ALMS1: variants seen among roughly 807,000 people sequenced by gnomAD.
ALMS1 encodes ALMS1 centrosome and basal body associated protein, also known as centrosome-associated protein ALMS1.
Under a neutral mutation model 352.2 loss-of-function variants are expected in ALMS1, and 271 were observed. The ratio of observed to expected loss-of-function variants is 0.77; its 90% CI spans 0.70 to 0.85. The LOEUF (loss-of-function observed/expected upper bound fraction) is 0.85, where lower values mean the gene tolerates loss of function less well. Among genes scored for constraint, ALMS1 ranks in the 40% least tolerant of loss-of-function variants. The pLI, the probability that ALMS1 is intolerant of heterozygous loss-of-function variation, is 0.00. For missense variants in ALMS1, 5,445 were observed against 4,870.7 expected (o/e 1.12, Z -3.51); for synonymous variants, 1,865 against 1,761.2 (o/e 1.06, Z -1.48).
At chr2:73,489,296 G>GT (rs1164288637) in intron 9 of ALMS1, among the ~76,000 whole-genome samples, 4 of 152,172 alleles carry the variant, frequency 2.6e-5, no homozygotes, top group Non-Finnish European at 4.4e-5. Flanking sequence ...CTCCCACTTG[G>GT]TGGCTATGTG....
intron 6 of ALMS1, among the ~76,000 whole-genome samples, chr2:73,429,278 C>CTTTTTTTTT (rs5832107): frequency 1.2e-4 from 12 of 102,690 alleles, no homozygotes; most frequent in Non-Finnish European, 1.3e-4. Context: ...AATTAATATG[C>CTTTTTTTTT]TTTTTTTTTT....
intron 7 of ALMS1, among the ~76,000 whole-genome samples, chr2:73,447,318 G>A (rs1671827613): frequency 6.6e-6 from 1 of 152,050 alleles, no homozygotes; most frequent in Admixed American, 6.6e-5. Flanking sequence ...CTTTAAAACT[G>A]TAAACAACTT....
chr2:73,533,258 G>A (rs777106452), intron 11 of ALMS1, among the ~76,000 whole-genome samples: 2 of 152,218 alleles, frequency 1.3e-5, no homozygotes, highest in Non-Finnish European at 2.9e-5. Flanking sequence ...GCCCAAGTCA[G>A]CTGGCTCTGA....
intron 9 of ALMS1, among the ~76,000 whole-genome samples, chr2:73,465,257 C>T (rs1265381815): frequency 6.6e-6 from 1 of 151,998 alleles, no homozygotes; most frequent in African/African-American, 2.4e-5. Flanking sequence ...GCTACAGTAA[C>T]CAAAACAGCA....
chr2:73,475,082 T>G (rs1672556449), intron 9 of ALMS1, among the ~76,000 whole-genome samples: 1 of 152,186 alleles, frequency 6.6e-6, no homozygotes, highest in African/African-American at 2.4e-5. Flanking sequence ...AATCAGTACT[T>G]CATCCCTTTT....
intron 7 of ALMS1, among the ~76,000 whole-genome samples, chr2:73,444,477 G>A (rs1248487642): frequency 2.0e-5 from 3 of 152,120 alleles, no homozygotes; most frequent in African/African-American, 2.4e-5. Flanking sequence ...AGTCTATAAC[G>A]CACTTTACCT....
intron 16 of ALMS1, among the ~76,000 whole-genome samples, chr2:73,585,822 G>C (rs955893815): frequency 6.9e-6 from 1 of 145,052 alleles, no homozygotes; most frequent in African/African-American, 2.6e-5. Flanking sequence ...ACTGCATCCC[G>C]GGTTCAAGCA....
At chr2:73,500,328 G>A (rs550699565) in intron 10 of ALMS1, among the ~76,000 whole-genome samples, 1 of 152,284 alleles carries the variant, frequency 6.6e-6, no homozygotes, top group South Asian at 2.1e-4. Flanking sequence ...TCTGTTGTCT[G>A]TGTGTGTGCC....
At chr2:73,518,913 A>G (rs918011754) in intron 10 of ALMS1, among the ~76,000 whole-genome samples, 7 of 152,070 alleles carry the variant, frequency 4.6e-5, no homozygotes. Context: ...GCTGTGCAGA[A>G]GCTCTTATGT....
intron 2 of ALMS1, among the ~76,000 whole-genome samples, chr2:73,410,797 A>G (rs1020141990): frequency 6.6e-6 from 1 of 151,154 alleles, no homozygotes; most frequent in African/African-American, 2.5e-5. Context: ...TTATTGGAGG[A>G]AAAATGTTAT....
rs748468149 is a variant in ALMS1, at chr2:73,452,531, C to CATAT, written c.6006_6009dup (p.Pro2004TyrfsTer4). 9 of 1,613,856 alleles carry CATAT rather than the reference C, an allele frequency of 5.6e-6. No individual in the cohort carries two copies. The highest frequency in any genetic ancestry group is 7.6e-6 in the Non-Finnish European group (9 of 1,179,934). On this transcript the variant is annotated frameshift_variant, in exon 8 of 23. Coordinates refer to ENST00000613296, the MANE Select transcript of ALMS1 (RefSeq NM_001378454.1). LOFTEE classifies it high-confidence loss of function. ...AGAGAAACTCAAGATTTCAACTGTGCATATACCAGATGACCAGAAAACTGA... is the reference window on the plus strand; with the variant it reads ...AGAGAAACTCAAGATTTCAACTGTGCATATATATACCAGATGACCAGAAAACTGA...
At chr2:73,519,092 C>G (rs1006478819) in intron 10 of ALMS1, among the ~76,000 whole-genome samples, 1 of 152,156 alleles carries the variant, frequency 6.6e-6, no homozygotes, top group Non-Finnish European at 1.5e-5. Context: ...GCAGTGCTTG[C>G]TAGGTGTCTC....
intron 12 of ALMS1, among the ~76,000 whole-genome samples, chr2:73,541,949 G>A (rs549927141): frequency 8.4e-4 from 128 of 152,272 alleles, no homozygotes; most frequent in African/African-American, 2.7e-3. Flanking sequence ...ACAAGGAGGA[G>A]CTGGTACCAT....
chr2:73,531,289 T>C (rs1673904905), intron 11 of ALMS1, among the ~76,000 whole-genome samples: 1 of 152,204 alleles, frequency 6.6e-6, no homozygotes, highest in Non-Finnish European at 1.5e-5. Context: ...TTGAATGCTT[T>C]GCTGTTTAGA....
rs1057295327 is a variant in ALMS1 at position 73,432,769 on chromosome 2, G to T, written c.1432+478G>T. Among the ~76,000 whole-genome samples, 18 of 152,212 alleles carry T rather than the reference G, an allele frequency of 1.2e-4. No homozygotes were observed. In the East Asian group the frequency reaches 3.5e-3, roughly 29 times the overall value. ...ATTTCAACCTATACTTTTCAGGGGG[G>T]ACACAAACATTCAGACCATCACAAG... is the stretch of plus-strand genomic sequence containing the variant. On this transcript the variant is annotated intron_variant, in intron 7 of 22. Coordinates refer to ENST00000613296, the MANE Select transcript of ALMS1 (RefSeq NM_001378454.1).
rs1246412833 is a variant in ALMS1 at position 73,426,544 on chromosome 2, A to G, written c.1329A>G (p.Leu443=). The G allele has an allele frequency of 6.2e-6, 10 of 1,613,916 alleles. No homozygotes were observed. The highest frequency in any genetic ancestry group is 2.7e-5 in the African/African-American group (2 of 74,950). The stretch of plus-strand genomic sequence containing the variant: ...TATGCAGTGAAAGAGTTGCTGAACT[A>G]CAAAGAAAGGTGAGACACAATAAAA... The part of the protein sequence containing the change: ...AVVCSERVAE[L]QRKPTRESEY... Residue 443 remains leucine (L), a synonymous_variant, in exon 6 of 23, where the codon CTA becomes CTG. Transcript: ENST00000613296.
At chr2:73,580,023 T>C (rs1675140878) in intron 16 of ALMS1, among the ~76,000 whole-genome samples, 1 of 152,174 alleles carries the variant, frequency 6.6e-6, no homozygotes, top group African/African-American at 2.4e-5. Flanking sequence ...TGTTGGTAAG[T>C]TTGATGGTAT....
intron 11 of ALMS1, among the ~76,000 whole-genome samples, chr2:73,526,499 T>G (rs1198665639): frequency 6.6e-6 from 1 of 152,198 alleles, no homozygotes; most frequent in Non-Finnish European, 1.5e-5. Context: ...TTTATAGAGA[T>G]CTTTCACTTC....
intron 6 of ALMS1, among the ~76,000 whole-genome samples, chr2:73,428,233 GA>G (rs1671419237): frequency 6.6e-6 from 1 of 152,118 alleles, no homozygotes; most frequent in African/African-American, 2.4e-5. Context: ...AGAATTGTTA[GA>G]GATTATTATC....
Sources: gnomAD v4.1 joint callset for allele counts (sites outside exome capture counted in the v4.1 genomes callset) on GRCh38, gnomAD v4.1.1 for gene constraint, MANE v1.5 for transcripts, NCBI Gene and HGNC (gene_info 2026-07-23, HGNC 2026-07-21) for gene names.